The following CD93 variants were observed in gnomAD, a reference collection of about 807,000 sequenced individuals.
CD93 encodes the protein CD93 molecule.
A neutral mutation model predicts 45.5 loss-of-function variants in CD93; 44 were observed. The ratio of observed to expected loss-of-function variants is 0.97; its 90% CI spans 0.76 to 1.24. The LOEUF is 1.24. Ranked by LOEUF, CD93 falls within the 50% of genes most tolerant of loss-of-function variation. The pLI is 0.00. For synonymous variants in CD93, 431 were observed against 370.8 expected (o/e 1.16, Z -1.87); for missense variants, 918 against 844.5 (o/e 1.09, Z -1.08).
At position 23,080,532 on chromosome 20, in the gene CD93, T is replaced by C. The variant is rs899286351; in HGVS notation, c.*3418A>G. ...CTTTTTTGCCTGATCGCAGGGAAGA[T>C]GGCATGTGGCTGGCCCTTCCTGAAG... On this transcript the variant is annotated 3_prime_UTR_variant, in exon 2 of 2. Transcript: ENST00000246006. 6.6e-6 allele frequency: 1 copy of C among 152,256 alleles called. No homozygotes were observed. Among genetic ancestry groups the C allele is most frequent in the African/African-American group, 2.4e-5 (1 of 41,462 alleles). 9.4% of individuals were successfully genotyped at this position (152,256 alleles called of 1,614,324 possible). A position where few individuals can be genotyped will look rare whatever the true frequency, so the allele number is the denominator to read the frequency against.
At position 23,084,285 on chromosome 20, in the gene CD93, C is replaced by G. The variant is rs1282782490; in HGVS notation, c.1908G>C (p.Glu636Asp). The G allele has an allele frequency of 6.2e-7, 1 of 1,613,990 alleles. No individual in the cohort carries two copies. The highest frequency in any genetic ancestry group is 2.2e-5 in the East Asian group (1 of 44,892). Residue 636 changes from glutamate to aspartate, a missense_variant, in exon 1 of 2, where the codon GAG becomes GAC. Coordinates refer to ENST00000246006, the MANE Select transcript of CD93 (RefSeq NM_012072.4). ...DSYSWVPERA[E>D]SRAMENQYSP... ...TGTACTGGTTCTCCATGGCCCTGCTCTCAGCTCGCTCTGGAACCCAGGAGT... is the reference window on the plus strand; with the variant it reads ...TGTACTGGTTCTCCATGGCCCTGCTGTCAGCTCGCTCTGGAACCCAGGAGT...
rs747736862 is a variant in CD93, at chr20:23,084,763, G to A, written c.1430C>T (p.Pro477Leu). The A allele has an allele frequency of 1.9e-6, 3 of 1,611,588 alleles. No individual in the cohort carries two copies. The highest frequency in any genetic ancestry group is 1.7e-5 in the Admixed American group (1 of 59,608). The part of the protein sequence containing the change: ...CTMGPVSLGP[P>L]SGPPDEEDKG... ...GTCCTCCTCATCGGGGGGCCCAGAT[G>A]GTGGTCCCAGAGACACAGGCCCCAT... Residue 477 changes from proline (P) to leucine (L), a missense_variant, in exon 1 of 2, where the codon CCA (proline) becomes CTA (leucine). By Grantham distance (98) the Pro-to-Leu change is moderately conservative. Transcript: ENST00000246006.
Position 23,084,474 on chromosome 20 carries a change from G to A in CD93, c.1719C>T (p.Asn573=), listed in dbSNP as rs749454628. The stretch of plus-strand genomic sequence containing the variant: ...GCAGCTTTTGCCCGTCAGTGCCATC[G>A]TTGTTTTGTGTGGCCACGGAGGAGT... ...GGDSSVATQN[N]DGTDGQKLLL... is the part of the protein sequence containing the mutation. The change falls in exon 1 of 2, where the codon AAC becomes AAT. Residue 573 remains asparagine, a synonymous_variant. Coordinates refer to ENST00000246006, the MANE Select transcript of CD93 (RefSeq NM_012072.4). 1.4e-5 allele frequency: 23 copies of A among 1,614,084 alleles called. No individual in the cohort carries two copies. The highest frequency in any genetic ancestry group is 3.3e-5 in the South Asian group (3 of 91,096).
rs566664431 is a variant in CD93 at position 23,079,421 on chromosome 20, A to C, written c.*4529T>G. The C allele has an allele frequency of 6.6e-6, 1 of 152,336 alleles. No individual in the cohort carries two copies. The highest frequency in any genetic ancestry group is 1.9e-4 in the East Asian group (1 of 5,186). 9.4% of individuals were successfully genotyped at this position (152,336 alleles called of 1,614,324 possible). On this transcript the variant is annotated 3_prime_UTR_variant, in exon 2 of 2. Coordinates refer to ENST00000246006, the MANE Select transcript of CD93 (RefSeq NM_012072.4). ...AAAGCTCAAAGGACAACAAAGCTGC[A>C]CCTTCCTAAAGGCTGACCCTCAAAG... is the stretch of plus-strand genomic sequence containing the variant.
At position 23,084,930 on chromosome 20, in the gene CD93, G is replaced by A. The variant is rs747150813; in HGVS notation, c.1263C>T (p.Asp421=). The A allele has an allele frequency of 2.0e-5, 32 of 1,613,244 alleles. No homozygotes were observed. Among genetic ancestry groups the A allele is most frequent in the African/African-American group, 4.0e-5 (3 of 74,868 alleles). ...CEEGYVLAGE[D]GTQCQDVDEC... ...CATCCACGTCCTGGCACTGAGTCCC[G>A]TCCTCCCCGGCCAGGACGTAGCCCT... The change falls in exon 1 of 2, where the codon GAC becomes GAT. Residue 421 remains aspartate, a synonymous_variant. Transcript: ENST00000246006.
chr20:23,086,061 C>T lies in CD93; in HGVS notation c.132G>A (p.Leu44=). 6.2e-7 allele frequency: 1 copy of T among 1,605,464 alleles called. No homozygotes were observed. The change falls in exon 1 of 2, where the codon CTG becomes CTA. Residue 44 remains leucine, a synonymous_variant. Coordinates refer to ENST00000246006, the MANE Select transcript of CD93 (RefSeq NM_012072.4). ...TACYTAHSGK[L]SAAEAQNHCN... ...AGTGGTTCTGGGCCTCGGCAGCGCT[C>T]AGCTTGCCCGAGTGGGCCGTGTAGC...
Position 23,081,259 on chromosome 20 carries a change from T to C in CD93, c.*2691A>G, listed in dbSNP as rs527631239. On this transcript the variant is annotated 3_prime_UTR_variant, in exon 2 of 2. Coordinates refer to ENST00000246006, the MANE Select transcript of CD93 (RefSeq NM_012072.4). ...CAGAAACACTGTGTCTAGCGAGAAGTTAGCAGGTGGCAGGGTGCACCTCTC... is the reference window on the plus strand; with the variant it reads ...CAGAAACACTGTGTCTAGCGAGAAGCTAGCAGGTGGCAGGGTGCACCTCTC... 2.0e-5 allele frequency: 3 copies of C among 152,312 alleles called. No homozygotes were observed. In the East Asian group the frequency reaches 5.8e-4, roughly 30 times the overall value. 9.4% of individuals were successfully genotyped at this position (152,312 alleles called of 1,614,324 possible).
At position 23,086,244 on chromosome 20, in the gene CD93, G is replaced by A. The variant is rs1220247532; in HGVS notation, c.-52C>T. On this transcript the variant is annotated 5_prime_UTR_variant, in exon 1 of 2. Coordinates refer to ENST00000246006, the MANE Select transcript of CD93 (RefSeq NM_012072.4). ...GAGGCGAGAAGCCCAGCGGCGACAG[G>A]AGCTTCTATCTCGGCTCCCAGCTGG... The A allele has an allele frequency of 6.8e-7, 1 of 1,459,938 alleles. No individual in the cohort carries two copies. The highest frequency in any genetic ancestry group is 2.3e-4 in the Middle Eastern group (1 of 4,360). The allele number at this position is 1,459,938 out of a possible 1,614,324, so 90.4% of individuals were successfully genotyped here. A position where few individuals can be genotyped will look rare whatever the true frequency, so the allele number is the denominator to read the frequency against.
Position 23,083,667 on chromosome 20 carries a change from T to G in CD93, c.*283A>C. ...GGCCTCCTCACACCCTGATCCGGAA[T>G]TGGTCACATTGGAATTTGAAAAGGG... On this transcript the variant is annotated 3_prime_UTR_variant, in exon 2 of 2. Transcript: ENST00000246006. The G allele has an allele frequency of 5.8e-6, 3 of 519,008 alleles. No homozygotes were observed. The highest frequency in any genetic ancestry group is 5.3e-4 in the Middle Eastern group (1 of 1,894). The allele number at this position is 519,008 out of a possible 1,614,324, so 32.2% of individuals were successfully genotyped here.
In CD93 at chr20:23,084,645, T is replaced by A; in HGVS notation, c.1548A>T (p.Thr516=). 6.3e-7 allele frequency: 1 copy of A among 1,598,822 alleles called. No homozygotes were observed. The highest frequency in any genetic ancestry group is 8.5e-7 in the Non-Finnish European group (1 of 1,172,218). The change falls in exon 1 of 2, where the codon ACA becomes ACT. Residue 516 remains threonine, a synonymous_variant. Coordinates refer to ENST00000246006, the MANE Select transcript of CD93 (RefSeq NM_012072.4). ...PEGTPKATPT[T]SRPSLSSDAP... is the part of the protein sequence containing the mutation. Reference sequence around the variant, plus strand: ...CGTCAGATGACAGCGAAGGTCTACTTGTGGTGGGTGTAGCCTTGGGGGTGC... The same window carrying A: ...CGTCAGATGACAGCGAAGGTCTACTAGTGGTGGGTGTAGCCTTGGGGGTGC...
Position 23,084,442 on chromosome 20 carries a change from A to T in CD93, c.1751T>A (p.Phe584Tyr), listed in dbSNP as rs548678214. The stretch of plus-strand genomic sequence containing the variant: ...GGCCACCACGGTGCCTAGGATGTAG[A>T]ATAAAAGCAGCTTTTGCCCGTCAGT... The part of the protein sequence containing the change: ...DGTDGQKLLL[F>Y]YILGTVVAIL... Residue 584 changes from phenylalanine (F) to tyrosine (Y), a missense_variant, in exon 1 of 2, where the codon TTC (phenylalanine) becomes TAC (tyrosine). Physicochemically the swap from Phe to Tyr is conservative, Grantham distance 22 (BLOSUM62 3). Transcript: ENST00000246006. The T allele has an allele frequency of 1.6e-5, 26 of 1,614,218 alleles. No homozygotes were observed. The East Asian group carries it at 2.7e-4, about 17-fold the overall frequency.
At position 23,085,788 on chromosome 20, in the gene CD93, C is replaced by G. The variant is rs542297079; in HGVS notation, c.405G>C (p.Ser135=). Residue 135 remains serine (S), a synonymous_variant, in exon 1 of 2, where the codon TCG becomes TCC. Transcript: ENST00000246006. ...GAGACACACAGCGCTTGGAGATGCACGAGTTCCGGAGCTCCTTGTGCCAGT... is the reference window on the plus strand; with the variant it reads ...GAGACACACAGCGCTTGGAGATGCAGGAGTTCCGGAGCTCCTTGTGCCAGT... ...YSNWHKELRN[S]CISKRCVSLL... 2 of 1,611,534 alleles carry G rather than the reference C, an allele frequency of 1.2e-6. No homozygotes were observed. The highest frequency in any genetic ancestry group is 1.7e-6 in the Non-Finnish European group (2 of 1,179,836).
chr20:23,084,609 T>G lies in CD93; in HGVS notation c.1584A>C (p.Thr528=). Residue 528 remains threonine, a synonymous_variant, in exon 1 of 2, where the codon ACA becomes ACC. Transcript: ENST00000246006. ...RPSLSSDAPI[T]SAPLKMLAPS... ...GGGCCAGCATCTTGAGTGGGGCAGA[T>G]GTGATGGGGGCGTCAGATGACAGCG... is the stretch of plus-strand genomic sequence containing the variant. 1 of 1,610,820 alleles carries G rather than the reference T, an allele frequency of 6.2e-7. No individual in the cohort carries two copies.
chr20:23,080,093 A>G lies in CD93; in HGVS notation c.*3857T>C, dbSNP rs1985285917. Reference sequence around the variant, plus strand: ...CAAGCTAAAGCTATTGTTCAAGGTGATGGAAATATGTAGGGGGCATTAAAC... The same window carrying G: ...CAAGCTAAAGCTATTGTTCAAGGTGGTGGAAATATGTAGGGGGCATTAAAC... On this transcript the variant is annotated 3_prime_UTR_variant, in exon 2 of 2. Transcript: ENST00000246006. The G allele has an allele frequency of 6.6e-6, 1 of 152,472 alleles. No homozygotes were observed. The highest frequency in any genetic ancestry group is 1.5e-5 in the Non-Finnish European group (1 of 68,022). 9.4% of individuals were successfully genotyped at this position (152,472 alleles called of 1,614,324 possible). A position where few individuals can be genotyped will look rare whatever the true frequency, so the allele number is the denominator to read the frequency against.
rs746493481 is a variant in CD93, at chr20:23,086,099, C to G, written c.94G>C (p.Val32Leu). The G allele has an allele frequency of 1.3e-6, 2 of 1,594,756 alleles. No homozygotes were observed. The highest frequency in any genetic ancestry group is 1.7e-6 in the Non-Finnish European group (2 of 1,177,352). ...TGGGCCGTGTAGCAGGCGGTCCCCA[C>G]GCAGACCACCGCCTCCGTGTCAGCT... is the stretch of plus-strand genomic sequence containing the variant. ...TGADTEAVVCVGTACYTAHSG... is the reference protein window; with the variant it reads ...TGADTEAVVCLGTACYTAHSG... The change falls in exon 1 of 2, where the codon GTG (valine) becomes CTG (leucine). Residue 32 changes from valine to leucine, a missense_variant. Val to Leu is a conservative substitution (Grantham distance 32). Coordinates refer to ENST00000246006, the MANE Select transcript of CD93 (RefSeq NM_012072.4).
rs752288044 is a variant in CD93, at chr20:23,085,576, T to A, written c.617A>T (p.Gln206Leu). 1.2e-5 allele frequency: 20 copies of A among 1,613,698 alleles called. No homozygotes were observed. The South Asian group carries it at 2.1e-4, about 17-fold the overall frequency. Residue 206 changes from glutamine (Q) to leucine (L), a missense_variant, in exon 1 of 2, where the codon CAG becomes CTG. Physicochemically the swap from Gln to Leu is moderately radical, Grantham distance 113. Coordinates refer to ENST00000246006, the MANE Select transcript of CD93 (RefSeq NM_012072.4). ...AGCCTCCAAGGAGGAACTGGTGGTC[T>A]GGAAGGGGGTGGTGTAGGTCACCTG... ...PGQVTYTTPF[Q>L]TTSSSLEAVP...
In CD93 at chr20:23,085,041, C is replaced by T. The variant is rs1383560728; in HGVS notation, c.1152G>A (p.Gln384=). Residue 384 remains glutamine, a synonymous_variant, in exon 1 of 2, where the codon CAG becomes CAA. Coordinates refer to ENST00000246006, the MANE Select transcript of CD93 (RefSeq NM_012072.4). Reference sequence around the variant, plus strand: ...GACCCAGAGCACACTCATCCACATCCTGACAGGCCCCCTCTCCAGGACCGC... The same window carrying T: ...GACCCAGAGCACACTCATCCACATCTTGACAGGCCCCCTCTCCAGGACCGC... The part of the protein sequence containing the change: ...EPGGPGEGAC[Q]DVDECALGRS... 1.9e-6 allele frequency: 3 copies of T among 1,613,826 alleles called. No individual in the cohort carries two copies. In the African/African-American group the frequency reaches 4.0e-5, roughly 22 times the overall value.
At position 23,085,163 on chromosome 20, in the gene CD93, C is replaced by A; in HGVS notation, c.1030G>T (p.Val344Leu). The A allele has an allele frequency of 6.3e-7, 1 of 1,584,332 alleles. No individual in the cohort carries two copies. The highest frequency in any genetic ancestry group is 8.6e-7 in the Non-Finnish European group (1 of 1,164,232). Residue 344 changes from valine (V) to leucine (L), a missense_variant, in exon 1 of 2, where the codon GTG becomes TTG. Val to Leu is a conservative substitution (Grantham distance 32, BLOSUM62 1). Transcript: ENST00000246006. ...YQLDSSQLDC[V>L]DVDECQDSPC... The stretch of plus-strand genomic sequence containing the variant: ...GAGTCCTGGCATTCATCCACGTCCA[C>A]ACAGTCCAGCTGACTCGAGTCCAGC...
Position 23,085,434 on chromosome 20 carries a change from C to T in CD93, c.759G>A (p.Ser253=), listed in dbSNP as rs1038236217. The change falls in exon 1 of 2, where the codon TCG becomes TCA. Residue 253 remains serine, a synonymous_variant. Coordinates refer to ENST00000246006, the MANE Select transcript of CD93 (RefSeq NM_012072.4). The part of the protein sequence containing the change: ...KAPDVFDWGS[S]GPLCVSPKYG... ...ACTTGGGGCTGACACAGAGGGGGCC[C>T]GAGCTGCCCCAGTCGAACACATCGG... is the stretch of plus-strand genomic sequence containing the variant. 1.2e-5 allele frequency: 19 copies of T among 1,613,710 alleles called. No individual in the cohort carries two copies. The highest frequency in any genetic ancestry group is 2.2e-5 in the East Asian group (1 of 44,866).
Sources: gnomAD v4.1 joint callset for allele counts on GRCh38, gnomAD v4.1.1 for gene constraint, MANE v1.5 for transcripts, NCBI Gene and HGNC (gene_info 2026-07-23, HGNC 2026-07-21) for gene names.